Variants in NUP188 observed in about 807,000 individuals in gnomAD.
NUP188 encodes nucleoporin NUP188.
In NUP188, 97 loss-of-function variants were observed where a neutral mutation model predicts 223.0. That is an observed-to-expected ratio of 0.43 (90% confidence interval 0.37 to 0.51). The LOEUF is 0.51. Among genes scored for constraint, NUP188 ranks in the 20% least tolerant of loss-of-function variants. The probability of loss-of-function intolerance (pLI) is 0.00; values close to 1 mark genes in which losing one functional copy is unlikely to be tolerated. For synonymous variants in NUP188, 869 were observed against 828.0 expected, an observed-to-expected ratio of 1.05 and a Z score of -0.85; for missense variants, 1,947 against 2,175.6, an observed-to-expected ratio of 0.89 and a Z score of 2.09.
intron 30 of NUP188, among the ~76,000 whole-genome samples, chr9:128,997,338 T>C (rs180736101): frequency 6.6e-6 from 1 of 152,300 alleles, no homozygotes; most frequent in Non-Finnish European, 1.5e-5. Context: ...TGGACCATGT[T>C]GAAGAGCTTG....
At chr9:128,975,964 A>G (rs1205480780) in intron 12 of NUP188, among the ~76,000 whole-genome samples, 2 of 152,100 alleles carry the variant, frequency 1.3e-5, no homozygotes, top group Non-Finnish European at 2.9e-5. Flanking sequence ...CTGGGATTAC[A>G]GGTGTGCGCC....
chr9:128,954,508 C>T (rs1426525190), intron 3 of NUP188, among the ~76,000 whole-genome samples: 1 of 151,918 alleles, frequency 6.6e-6, no homozygotes, highest in African/African-American at 2.4e-5. Flanking sequence ...CCTCAGCCTC[C>T]CGAGTAGCAG....
At chr9:128,960,679 G>A (rs1841935609) in intron 8 of NUP188, among the ~76,000 whole-genome samples, 1 of 152,224 alleles carries the variant, frequency 6.6e-6, no homozygotes, top group South Asian at 2.1e-4. Flanking sequence ...GCTGGGCACA[G>A]TGGCTCATGC....
Position 128,969,424 on chromosome 9 carries a change from G to T in NUP188, c.822G>T (p.Val274=), listed in dbSNP as rs1288739667. 1.2e-6 allele frequency: 2 copies of T among 1,609,394 alleles called. No individual in the cohort carries two copies. Among genetic ancestry groups the T allele is most frequent in the Admixed American group, 3.4e-5 (2 of 59,514 alleles). The change falls in exon 10 of 44, where the codon GTG becomes GTT. Residue 274 remains valine (V), a synonymous_variant. Coordinates refer to ENST00000372577, the MANE Select transcript of NUP188 (RefSeq NM_015354.3). ...GCTACTTCAGTGCCCTCATCCTGGT[G>T]GAGGGCATGGATATCGAGTCCTTGC... ...RIGYFSALIL[V]EGMDIESLHK... is the part of the protein sequence containing the mutation.
chr9:128,995,266 A>G (rs1842502344), intron 29 of NUP188, 53 bp from the exon 30 acceptor site: 5 of 1,440,718 alleles, frequency 3.5e-6, no homozygotes, highest in East Asian at 4.5e-5. Flanking sequence ...TGTACCCATT[A>G]TATTCCCATC....
At chr9:128,987,088 A>AGAGAGAGAGTGT (rs1450678206) in intron 22 of NUP188, among the ~76,000 whole-genome samples, 3 of 113,260 alleles carry the variant, frequency 2.6e-5, no homozygotes, top group Non-Finnish European at 5.5e-5. Context: ...AGAGAGAGAG[A>AGAGAGAGAGTGT]GTGTGTGTGT....
chr9:129,003,844 G>A (rs1283211772), intron 38 of NUP188: 6 of 315,524 alleles, frequency 1.9e-5, no homozygotes, highest in African/African-American at 4.6e-5. Context: ...GTGGTGGCAC[G>A]TGACTGTAAT....
intron 29 of NUP188, 79 bp downstream of exon 29, chr9:128,995,002 T>A: frequency 9.4e-7 from 1 of 1,062,504 alleles, no homozygotes; most frequent in Non-Finnish European, 1.5e-6. Context: ...GGTGCATGGC[T>A]GGAAGAGCCA....
intron 38 of NUP188, 196 bp downstream of exon 38, chr9:129,003,650 G>A: frequency 1.4e-6 from 1 of 707,250 alleles, no homozygotes; most frequent in East Asian, 2.8e-5. Flanking sequence ...CAGCCATGTA[G>A]GTTAAGAATT....
chr9:129,006,779 C>A lies in NUP188; in HGVS notation c.*101C>A. ...GCTAGGGCCTATACAATGGAGGGCA[C>A]CTCCTGTCACCCCCCTCCCGGAGTA... On this transcript the variant is annotated 3_prime_UTR_variant, in exon 44 of 44. Transcript: ENST00000372577. 1.6e-6 allele frequency: 2 copies of A among 1,232,790 alleles called. No homozygotes were observed. The highest frequency in any genetic ancestry group is 1.5e-5 in the African/African-American group (1 of 65,882). 76.4% of individuals were successfully genotyped at this position (1,232,790 alleles called of 1,614,324 possible).
intron 8 of NUP188, among the ~76,000 whole-genome samples, chr9:128,966,470 G>A (rs926119909): frequency 8.6e-5 from 13 of 151,488 alleles, no homozygotes; most frequent in South Asian, 2.1e-4. Flanking sequence ...TTGACCTCCT[G>A]GGCTCAGGTA....
chr9:128,973,572 G>A (rs991497490), intron 12 of NUP188, among the ~76,000 whole-genome samples: 1 of 152,080 alleles, frequency 6.6e-6, no homozygotes, highest in East Asian at 1.9e-4. Context: ...TGGTAGAGAC[G>A]GGCTTTCACC....
Position 128,986,872 on chromosome 9 carries a change from G to A in NUP188, c.2261G>A (p.Ser754Asn). 6.2e-7 allele frequency: 1 copy of A among 1,613,918 alleles called. No individual in the cohort carries two copies. The highest frequency in any genetic ancestry group is 8.5e-7 in the Non-Finnish European group (1 of 1,179,876). The change falls in exon 22 of 44, where the codon AGC becomes AAC. Residue 754 changes from serine to asparagine, a missense_variant. This residue lies in a region of NUP188 where 225 missense variants were observed against 319.1 expected (regional missense o/e 0.71). Transcript: ENST00000372577. ...CTGTGCCACGAGACAGACCTGCACA[G>A]CAGGTAATGAAGGGTTGATTACTAG... The part of the protein sequence containing the change: ...LNLCHETDLH[S>N]SHTPSLQFLC...
Position 128,969,451 on chromosome 9 carries a change from TA to T in NUP188, c.851del (p.Lys284SerfsTer26). ...VEGMDIESLHKCALDDRRELH... is the reference protein window; with the variant it reads ...VEGMDIESLHXCALDDRRELH... ...AGGGCATGGATATCGAGTCCTTGCA[TA>T]AGTGTGCTTTGGATGACAGAAGAGA... On this transcript the variant is annotated frameshift_variant, in exon 10 of 44. Transcript: ENST00000372577. LOFTEE classifies it high-confidence loss of function. The T allele has an allele frequency of 6.2e-7, 1 of 1,607,252 alleles. No individual in the cohort carries two copies. Among genetic ancestry groups the T allele is most frequent in the Non-Finnish European group, 8.5e-7 (1 of 1,178,062 alleles).
intron 15 of NUP188, among the ~76,000 whole-genome samples, chr9:128,982,082 A>G (rs1240665232): frequency 6.6e-6 from 1 of 151,474 alleles, no homozygotes; most frequent in African/African-American, 2.4e-5. Flanking sequence ...CATCTCAAAA[A>G]AAAAAAGACA....
chr9:128,962,865 T>A (rs894352437), intron 8 of NUP188, among the ~76,000 whole-genome samples: 8 of 152,226 alleles, frequency 5.3e-5, no homozygotes, highest in Admixed American at 3.9e-4. Context: ...TAATTATGAT[T>A]TTTTAAATTG....
Position 129,006,904 on chromosome 9 carries a change from C to T in NUP188, c.*226C>T, listed in dbSNP as rs968376508. On this transcript the variant is annotated 3_prime_UTR_variant, in exon 44 of 44. Transcript: ENST00000372577. ...CGAGTCTTCTGTGCTCAGGTCCTCA[C>T]GCTGCAGACGCCCCCTAGAGGAACT... 4.6e-5 allele frequency: 20 copies of T among 431,246 alleles called. No homozygotes were observed. Among genetic ancestry groups the T allele is most frequent in the African/African-American group, 1.0e-4 (5 of 49,030 alleles). The allele number at this position is 431,246 out of a possible 1,614,324, so 26.7% of individuals were successfully genotyped here. A position where few individuals can be genotyped will look rare whatever the true frequency, so the allele number is the denominator to read the frequency against.
At position 129,001,553 on chromosome 9, in the gene NUP188, G is replaced by A. The variant is rs775596418; in HGVS notation, c.3868G>A (p.Ala1290Thr). The change falls in exon 35 of 44, where the codon GCC (alanine) becomes ACC (threonine). Residue 1290 changes from alanine (A) to threonine (T), a missense_variant. Transcript: ENST00000372577. ...DGVCVLGLHL[A>T]KELCEVDEDG... ...GGTGTGTGTCCTGGGCCTGCACCTG[G>A]CCAAGGAGCTGTGTGAGGTAGACGA... 6.2e-7 allele frequency: 1 copy of A among 1,613,860 alleles called. No homozygotes were observed. Among genetic ancestry groups the A allele is most frequent in the Non-Finnish European group, 8.5e-7 (1 of 1,180,004 alleles).
rs768151449 is a variant in NUP188 at position 128,983,305 on chromosome 9, G to C, written c.1809G>C (p.Val603=). Residue 603 remains valine (V), a synonymous_variant, in exon 18 of 44, where the codon GTG becomes GTC. Coordinates refer to ENST00000372577, the MANE Select transcript of NUP188 (RefSeq NM_015354.3). ...GTTCTCCAACCAGGTTAACGACAGT[G>C]ATCTCCCCACCTGTGGATGTCATTG... is the stretch of plus-strand genomic sequence containing the variant. ...IYMLLQRLTT[V]ISPPVDVIAS... is the part of the protein sequence containing the mutation. 1.9e-6 allele frequency: 3 copies of C among 1,614,016 alleles called. No homozygotes were observed. Among genetic ancestry groups the C allele is most frequent in the Non-Finnish European group, 2.5e-6 (3 of 1,179,944 alleles).
Sources: allele counts gnomAD v4.1 joint callset (sites outside exome capture counted in the v4.1 genomes callset), GRCh38; gene constraint gnomAD v4.1.1; regional missense constraint gnomAD v4.1.1; transcripts MANE v1.5; gene names NCBI Gene and HGNC (gene_info 2026-07-23, HGNC 2026-07-21).